Variants in NRXN1 observed in about 807,000 individuals in gnomAD.
NRXN1 encodes neurexin-1.
A neutral mutation model predicts 150.9 loss-of-function variants in NRXN1; 39 were observed. The ratio of observed to expected loss-of-function variants is 0.26; its 90% confidence interval spans 0.20 to 0.34. NRXN1 has a LOEUF of 0.34. Ranked by LOEUF, NRXN1 falls within the 10% of genes least tolerant of loss-of-function variation. The pLI is 1.00. For missense variants in NRXN1, 1,815 were observed against 1,949.9 expected (o/e 0.93, Z 1.30); for synonymous variants, 924 against 757.0 (o/e 1.22, Z -3.62).
At chr2:50,682,670 C>T (rs1690578672) in intron 5 of NRXN1, among the ~76,000 whole-genome samples, 1 of 152,132 alleles carries the variant, frequency 6.6e-6, no homozygotes, top group African/African-American at 2.4e-5. Context: ...ATAAAACCAT[C>T]ATACTCTAAT....
intron 17 of NRXN1, among the ~76,000 whole-genome samples, chr2:50,299,128 A>C (rs559872252): frequency 1.0e-3 from 159 of 152,070 alleles, no homozygotes; most frequent in Non-Finnish European, 2.1e-3. Flanking sequence ...TTATGGATTT[A>C]TTTTTTATAT....
At chr2:50,166,275 ACGTATG>A (rs1330485094) in intron 18 of NRXN1, among the ~76,000 whole-genome samples, 2 of 136,596 alleles carry the variant, frequency 1.5e-5, no homozygotes, top group African/African-American at 2.8e-5. Flanking sequence ...GGAGTACTCA[ACGTATG>A]TGTGTGTGTG....
At chr2:50,793,632 G>A (rs1003324748) in intron 5 of NRXN1, among the ~76,000 whole-genome samples, 1 of 152,090 alleles carries the variant, frequency 6.6e-6, no homozygotes, top group Non-Finnish European at 1.5e-5. Flanking sequence ...AGAGGCAGCT[G>A]AAGAGATGTT....
chr2:50,626,216 T>C (rs751367096), intron 5 of NRXN1, among the ~76,000 whole-genome samples: 1 of 151,848 alleles, frequency 6.6e-6, no homozygotes, highest in African/African-American at 2.4e-5. Context: ...TTTCAACATA[T>C]GTAAATAGAT....
intron 5 of NRXN1, among the ~76,000 whole-genome samples, chr2:50,749,738 G>T (rs1428129826): frequency 6.6e-6 from 1 of 151,956 alleles, no homozygotes; most frequent in Non-Finnish European, 1.5e-5. Context: ...TAATATTTAA[G>T]ATCTGAAAAT....
At chr2:50,905,623 A>T (rs1470976180) in intron 5 of NRXN1, among the ~76,000 whole-genome samples, 3 of 151,984 alleles carry the variant, frequency 2.0e-5, no homozygotes, top group Non-Finnish European at 4.4e-5. Flanking sequence ...TCTTTCTTTC[A>T]GGTGTCCTCT....
intron 5 of NRXN1, among the ~76,000 whole-genome samples, chr2:50,802,365 G>A (rs1347388952): frequency 6.6e-6 from 1 of 152,090 alleles, no homozygotes; most frequent in Non-Finnish European, 1.5e-5. Flanking sequence ...GGTGGTGGGT[G>A]CCTGTAATCC....
chr2:50,133,388 G>C (rs1251176396), intron 18 of NRXN1, among the ~76,000 whole-genome samples: 2 of 152,148 alleles, frequency 1.3e-5, no homozygotes, highest in African/African-American at 4.8e-5. Flanking sequence ...TAGTTTGTTA[G>C]ATCAGAACAA....
intron 5 of NRXN1, among the ~76,000 whole-genome samples, chr2:50,802,500 TGGAAGGAAGGAAGGAAGGAA>T (rs749335750): frequency 0.039 from 3,482 of 88,232 alleles, 108 homozygotes; most frequent in Non-Finnish European, 0.066. Flanking sequence ...GAAAGAGAAA[TGGAAGGAAGGAAGGAAGGAA>T]GGAAGGAAGG....
At chr2:51,002,795 A>G (rs923865762) in intron 2 of NRXN1, among the ~76,000 whole-genome samples, 1 of 151,960 alleles carries the variant, frequency 6.6e-6, no homozygotes, top group Non-Finnish European at 1.5e-5. Flanking sequence ...TGTCCTGGCT[A>G]TGAAACTAAT....
chr2:50,961,545 G>C (rs547705336), intron 2 of NRXN1, among the ~76,000 whole-genome samples: 9 of 151,866 alleles, frequency 5.9e-5, no homozygotes, highest in African/African-American at 2.2e-4. Flanking sequence ...AAAAAACACG[G>C]ACTTTTATAG....
intron 5 of NRXN1, among the ~76,000 whole-genome samples, chr2:50,748,160 G>C (rs1056713245): frequency 6.6e-6 from 1 of 152,180 alleles, no homozygotes. Flanking sequence ...CACACCTCTA[G>C]TAATAACCCA....
Position 50,948,912 on chromosome 2 carries a change from T to C in NRXN1, c.773-22957A>G, listed in dbSNP as rs547606743. 7.9e-5 allele frequency among the ~76,000 whole-genome samples: 12 copies of C among 152,172 alleles called. No individual in the cohort carries two copies. In the South Asian group the frequency reaches 2.1e-3, roughly 26 times the overall value. ...ACTGTGAGTTTCCTGAATAGGTATTTCCATGAATTCAATATGGCTTATCCA... is the reference window on the plus strand; with the variant it reads ...ACTGTGAGTTTCCTGAATAGGTATTCCCATGAATTCAATATGGCTTATCCA... On this transcript the variant is annotated intron_variant, in intron 2 of 22. Transcript: ENST00000401669.
intron 18 of NRXN1, among the ~76,000 whole-genome samples, chr2:50,103,598 T>G (rs1271790336): frequency 6.6e-6 from 1 of 152,020 alleles, no homozygotes. Flanking sequence ...AATGAGCATT[T>G]GCCCTGAAAT....
chr2:50,970,859 G>C (rs781444882), intron 2 of NRXN1, among the ~76,000 whole-genome samples: 9 of 151,268 alleles, frequency 5.9e-5, no homozygotes, highest in South Asian at 2.1e-4. Context: ...AGAACAACTT[G>C]ACCACATTAT....
intron 5 of NRXN1, among the ~76,000 whole-genome samples, chr2:50,759,624 G>C (rs921974740): frequency 1.3e-5 from 2 of 151,838 alleles, no homozygotes; most frequent in African/African-American, 4.8e-5. Flanking sequence ...AGTTATTAAA[G>C]GGCTGATATG....
chr2:50,040,279 C>G (rs1283128556), intron 21 of NRXN1, among the ~76,000 whole-genome samples: 1 of 151,374 alleles, frequency 6.6e-6, no homozygotes, highest in Non-Finnish European at 1.5e-5. Flanking sequence ...ATTAATGGAA[C>G]AAGAAATTAG....
chr2:49,994,809 A>G (rs1405307491), intron 21 of NRXN1, among the ~76,000 whole-genome samples: 1 of 152,234 alleles, frequency 6.6e-6, no homozygotes, highest in Non-Finnish European at 1.5e-5. Context: ...GTAAGGCAAA[A>G]GGTGAGAGTG....
At chr2:50,213,166 GA>G (rs910095563) in intron 18 of NRXN1, among the ~76,000 whole-genome samples, 1 of 151,800 alleles carries the variant, frequency 6.6e-6, no homozygotes, top group Non-Finnish European at 1.5e-5. Flanking sequence ...GTGGTCAAGT[GA>G]ACGAGGTGAG....
Sources: gnomAD v4.1 joint callset for allele counts (sites outside exome capture counted in the v4.1 genomes callset) on GRCh38, gnomAD v4.1.1 for gene constraint, MANE v1.5 for transcripts, NCBI Gene and HGNC (gene_info 2026-07-23, HGNC 2026-07-21) for gene names.